Variants in MAGI2 observed in about 807,000 individuals in gnomAD.
MAGI2 encodes membrane-associated guanylate kinase, WW and PDZ domain-containing protein 2.
In MAGI2, 35 loss-of-function variants were observed where a neutral mutation model predicts 133.3. The ratio of observed to expected loss-of-function variants is 0.26; its 90% CI spans 0.20 to 0.35. The LOEUF is 0.35. MAGI2 is among the 10% of genes least tolerant of loss of function. The pLI is 1.00. For missense variants in MAGI2, 1,636 were observed against 1,863.4 expected (o/e 0.88, Z 2.25); for synonymous variants, 729 against 710.6 (o/e 1.03, Z -0.41).
intron 2 of MAGI2, among the ~76,000 whole-genome samples, chr7:78,823,909 T>TCACACACACACACACA (rs151269215): frequency 1.1e-4 from 17 of 148,150 alleles, no homozygotes; most frequent in African/African-American, 3.4e-4. Context: ...GGATTTCACA[T>TCACACACACACACACA]CACACACACA....
intron 6 of MAGI2, among the ~76,000 whole-genome samples, chr7:78,387,519 A>G (rs1171704454): frequency 6.6e-6 from 1 of 152,194 alleles, no homozygotes; most frequent in African/African-American, 2.4e-5. Flanking sequence ...TACCCTCCCC[A>G]AATAATGCTG....
chr7:78,251,718 C>A (rs921327280), intron 10 of MAGI2: 17 of 151,982 alleles, frequency 1.1e-4, no homozygotes, highest in African/African-American at 4.1e-4. Context: ...ATTAAAGATC[C>A]AAATAAGTGA....
chr7:78,237,502 G>C (rs185955444), intron 10 of MAGI2, among the ~76,000 whole-genome samples: 1 of 152,102 alleles, frequency 6.6e-6, no homozygotes, highest in East Asian at 1.9e-4. Context: ...GAATCTCCTC[G>C]ATACAATGAA....
intron 3 of MAGI2, among the ~76,000 whole-genome samples, chr7:78,619,812 G>A (rs900516274): frequency 2.0e-5 from 3 of 151,830 alleles, no homozygotes; most frequent in African/African-American, 7.3e-5. Flanking sequence ...AAACCTTAAA[G>A]GGGTATAAAA....
intron 1 of MAGI2, among the ~76,000 whole-genome samples, chr7:79,396,437 T>A (rs1249584882): frequency 6.6e-6 from 1 of 152,162 alleles, no homozygotes; most frequent in Non-Finnish European, 1.5e-5. Context: ...ACTTAAGGAA[T>A]AAAATGTAAG....
intron 2 of MAGI2, among the ~76,000 whole-genome samples, chr7:78,789,748 TG>T (rs1827114028): frequency 6.6e-6 from 1 of 152,224 alleles, no homozygotes; most frequent in African/African-American, 2.4e-5. Flanking sequence ...AAATTATTAT[TG>T]ACTGTAGTCA....
At chr7:79,272,276 C>A (rs1834934578) in intron 1 of MAGI2, among the ~76,000 whole-genome samples, 1 of 152,064 alleles carries the variant, frequency 6.6e-6, no homozygotes, top group South Asian at 2.1e-4. Context: ...CAATAGGTGG[C>A]ACCAGTAATT....
At chr7:78,289,183 C>A (rs1796448095) in intron 9 of MAGI2, among the ~76,000 whole-genome samples, 1 of 151,976 alleles carries the variant, frequency 6.6e-6, no homozygotes, top group South Asian at 2.1e-4. Context: ...ATGTTCGAAC[C>A]CATCGCAAAG....
chr7:79,035,783 A>C (rs1441553573), intron 1 of MAGI2, among the ~76,000 whole-genome samples: 1 of 152,188 alleles, frequency 6.6e-6, no homozygotes, highest in Non-Finnish European at 1.5e-5. Context: ...CATGGAGAGC[A>C]CTTTGTTACT....
intron 6 of MAGI2, among the ~76,000 whole-genome samples, chr7:78,405,144 T>C (rs1472016636): frequency 7.2e-5 from 11 of 152,068 alleles, no homozygotes. Context: ...TTTTCTAGAG[T>C]GGAATATAGA....
intron 21 of MAGI2, among the ~76,000 whole-genome samples, chr7:78,050,745 G>A (rs1176128715): frequency 6.6e-6 from 1 of 152,088 alleles, no homozygotes; most frequent in Non-Finnish European, 1.5e-5. Context: ...ATTCTCGGGG[G>A]CCTGTCTGCT....
intron 2 of MAGI2, among the ~76,000 whole-genome samples, chr7:78,889,277 A>T (rs1426739974): frequency 6.6e-6 from 1 of 152,238 alleles, no homozygotes; most frequent in Non-Finnish European, 1.5e-5. Flanking sequence ...AGTGACGAGG[A>T]GAATGGAAAC....
chr7:78,620,338 A>G (rs1418938384), intron 3 of MAGI2, among the ~76,000 whole-genome samples: 1 of 152,032 alleles, frequency 6.6e-6, no homozygotes, highest in African/African-American at 2.4e-5. Context: ...TCAATACATC[A>G]AACTATGCTA....
intron 2 of MAGI2, among the ~76,000 whole-genome samples, chr7:78,965,172 C>T (rs542837396): frequency 6.6e-6 from 1 of 151,254 alleles, no homozygotes; most frequent in South Asian, 2.1e-4. Context: ...AAATCTAAAT[C>T]TAATTAATTA....
At chr7:78,528,561 C>T (rs12705530) in intron 3 of MAGI2, among the ~76,000 whole-genome samples, 11,068 of 152,114 alleles carry the variant, frequency 0.073, 519 homozygotes, top group Non-Finnish European at 0.11. Context: ...TATAAAATGA[C>T]GTGAGTAAAT....
chr7:78,975,147 T>C (rs915695937), intron 2 of MAGI2, among the ~76,000 whole-genome samples: 3 of 151,730 alleles, frequency 2.0e-5, no homozygotes, highest in South Asian at 2.1e-4. Context: ...AGTAAGGATA[T>C]AGTTGACTCG....
At chr7:78,384,504 C>G (rs974443212) in intron 6 of MAGI2, among the ~76,000 whole-genome samples, 3 of 152,156 alleles carry the variant, frequency 2.0e-5, no homozygotes, top group Non-Finnish European at 4.4e-5. Context: ...TATTACATGT[C>G]ATAGGCATAA....
At chr7:79,120,505 T>A (rs1473988649) in intron 1 of MAGI2, among the ~76,000 whole-genome samples, 3 of 152,020 alleles carry the variant, frequency 2.0e-5, no homozygotes, top group African/African-American at 7.2e-5. Flanking sequence ...TACACACACA[T>A]AAACTAGTCC....
intron 2 of MAGI2, among the ~76,000 whole-genome samples, chr7:78,770,680 T>G (rs1396262101): frequency 1.3e-5 from 2 of 152,198 alleles, no homozygotes; most frequent in Non-Finnish European, 2.9e-5. Context: ...GAGAGGCATT[T>G]GGCAAATGAA....
Sources: gnomAD v4.1 joint callset for allele counts (sites outside exome capture counted in the v4.1 genomes callset) on GRCh38, gnomAD v4.1.1 for gene constraint, MANE v1.5 for transcripts, NCBI Gene and HGNC (gene_info 2026-07-23, HGNC 2026-07-21) for gene names.